The following RAB7A variants were observed in gnomAD, a reference collection of about 807,000 sequenced individuals.
RAB7A encodes the protein ras-related protein Rab-7a.
RAB7A carries 2 observed loss-of-function variants against 24.5 expected under a neutral mutation model. The observed-to-expected ratio is 0.08, with a 90% CI of 0.03 to 0.26. RAB7A has a LOEUF of 0.26. Among genes scored for constraint, RAB7A ranks in the 10% least tolerant of loss-of-function variants. The probability of loss-of-function intolerance (pLI) is 1.00; values close to 1 mark genes in which losing one functional copy is unlikely to be tolerated. For missense variants in RAB7A, 118 were observed against 255.7 expected, an observed-to-expected ratio of 0.46 and a Z score of 3.67; for synonymous variants, 100 against 95.9, an observed-to-expected ratio of 1.04 and a Z score of -0.25.
intron 1 of RAB7A, among the ~76,000 whole-genome samples, chr3:128,762,934 G>A (rs1041863917): frequency 2.0e-5 from 3 of 152,054 alleles, no homozygotes; most frequent in African/African-American, 7.2e-5. Flanking sequence ...TTTCAGTTGA[G>A]CTACTACAAA....
At chr3:128,800,424 G>A (rs1264126682) in intron 3 of RAB7A, among the ~76,000 whole-genome samples, 2 of 152,166 alleles carry the variant, frequency 1.3e-5, no homozygotes, top group African/African-American at 4.8e-5. Context: ...GCCCCTGCTG[G>A]GTCGGGGGTT....
At chr3:128,763,675 G>A (rs1294487417) in intron 1 of RAB7A, among the ~76,000 whole-genome samples, 1 of 152,102 alleles carries the variant, frequency 6.6e-6, no homozygotes, top group African/African-American at 2.4e-5. Flanking sequence ...CCATTCCTGT[G>A]TGATTAGGAA....
At chr3:128,732,329 C>T (rs931273645) in intron 1 of RAB7A, among the ~76,000 whole-genome samples, 4 of 151,824 alleles carry the variant, frequency 2.6e-5, no homozygotes, top group Non-Finnish European at 5.9e-5. Context: ...TGAACCACCA[C>T]GCCTGGCCCA....
intron 1 of RAB7A, among the ~76,000 whole-genome samples, chr3:128,779,934 GT>G (rs1933183217): frequency 6.6e-6 from 1 of 152,174 alleles, no homozygotes; most frequent in Non-Finnish European, 1.5e-5. Context: ...TCCCTAGGGA[GT>G]TTGGGGCTGG....
chr3:128,748,456 A>G (rs1346331209), intron 1 of RAB7A: 1 of 152,290 alleles, frequency 6.6e-6, no homozygotes, highest in Non-Finnish European at 1.5e-5. Flanking sequence ...GGTGGAATAT[A>G]CTTTGGGGAA....
intron 1 of RAB7A, among the ~76,000 whole-genome samples, chr3:128,770,721 G>A (rs887180838): frequency 1.3e-5 from 2 of 151,990 alleles, no homozygotes; most frequent in Admixed American, 6.6e-5. Flanking sequence ...TTATAGTTTC[G>A]TTCTTTCTGC....
intron 1 of RAB7A, among the ~76,000 whole-genome samples, chr3:128,774,078 T>TAA (rs146037243): frequency 1.8e-5 from 2 of 111,082 alleles, no homozygotes; most frequent in East Asian, 2.6e-4. Context: ...AATGATCAAT[T>TAA]AAAAAAAAAA....
At chr3:128,732,405 AG>A (rs2070448082) in intron 1 of RAB7A, among the ~76,000 whole-genome samples, 2 of 151,978 alleles carry the variant, frequency 1.3e-5, no homozygotes, top group African/African-American at 4.8e-5. Context: ...AAAAAAAAAA[AG>A]CTAGGAAAAT....
intron 1 of RAB7A, among the ~76,000 whole-genome samples, chr3:128,772,674 C>T (rs973461393): frequency 6.6e-6 from 1 of 152,196 alleles, no homozygotes; most frequent in Non-Finnish European, 1.5e-5. Flanking sequence ...TGGTGGTTGT[C>T]TTGTGTCCCT....
intron 1 of RAB7A, among the ~76,000 whole-genome samples, chr3:128,742,369 A>G (rs2070563147): frequency 1.3e-5 from 2 of 152,152 alleles, no homozygotes. Context: ...AAGCTTCCAC[A>G]GTGTGGAAGG....
chr3:128,761,400 G>C (rs1251424135), intron 1 of RAB7A, among the ~76,000 whole-genome samples: 1 of 152,156 alleles, frequency 6.6e-6, no homozygotes, highest in East Asian at 1.9e-4. Flanking sequence ...AAGAAGTCTT[G>C]ACTATTCTTA....
intron 1 of RAB7A, among the ~76,000 whole-genome samples, chr3:128,748,199 T>A (rs1160505699): frequency 6.6e-6 from 1 of 152,166 alleles, no homozygotes; most frequent in Non-Finnish European, 1.5e-5. Flanking sequence ...GTTCCTAAGA[T>A]TATCGTTGGG....
At chr3:128,773,807 G>A (rs1933013736) in intron 1 of RAB7A, among the ~76,000 whole-genome samples, 1 of 152,130 alleles carries the variant, frequency 6.6e-6, no homozygotes, top group African/African-American at 2.4e-5. Flanking sequence ...TCTGAAACAT[G>A]TGCTGTGTCC....
chr3:128,735,272 A>G (rs558932414), intron 1 of RAB7A, among the ~76,000 whole-genome samples: 1 of 152,354 alleles, frequency 6.6e-6, no homozygotes, highest in Admixed American at 6.5e-5. Flanking sequence ...GTTGGAAAGA[A>G]TGGCATAAGT....
chr3:128,737,334 C>T (rs529431666), intron 1 of RAB7A, among the ~76,000 whole-genome samples: 20 of 138,280 alleles, frequency 1.4e-4, no homozygotes, highest in African/African-American at 3.9e-4. Context: ...CCACCGCTCC[C>T]GGCCTTTTTT....
intron 1 of RAB7A, among the ~76,000 whole-genome samples, chr3:128,784,363 A>G (rs949813338): frequency 6.6e-6 from 1 of 152,054 alleles, no homozygotes; most frequent in Non-Finnish European, 1.5e-5. Context: ...ATCCATCACT[A>G]GATGCCATCC....
intron 5 of RAB7A, among the ~76,000 whole-genome samples, chr3:128,809,892 G>A (rs1055425779): frequency 1.5e-5 from 2 of 134,746 alleles, no homozygotes; most frequent in African/African-American, 5.7e-5. Flanking sequence ...TCTGGACTGT[G>A]TTGATTTGAC....
intron 1 of RAB7A, among the ~76,000 whole-genome samples, chr3:128,750,155 C>T (rs570614417): frequency 4.1e-4 from 63 of 152,308 alleles, no homozygotes; most frequent in African/African-American, 1.5e-3. Flanking sequence ...GCAAAGGTGG[C>T]TCTTGTTATG....
chr3:128,780,093 G>A (rs1186656163), intron 1 of RAB7A, among the ~76,000 whole-genome samples: 1 of 152,192 alleles, frequency 6.6e-6, no homozygotes, highest in Non-Finnish European at 1.5e-5. Context: ...TGCTGGAATT[G>A]GGGTCTGATA....
Sources: gnomAD v4.1 joint callset for allele counts (sites outside exome capture counted in the v4.1 genomes callset) on GRCh38, gnomAD v4.1.1 for gene constraint, MANE v1.5 for transcripts, NCBI Gene and HGNC (gene_info 2026-07-23, HGNC 2026-07-21) for gene names.